Variants in ZHX3 observed in about 807,000 individuals in gnomAD.
The protein encoded by ZHX3 is zinc fingers and homeoboxes protein 3.
A neutral mutation model predicts 64.5 loss-of-function variants in ZHX3; 20 were observed. The ratio of observed to expected loss-of-function variants is 0.31; its 90% CI spans 0.22 to 0.45. ZHX3 has a LOEUF of 0.45. ZHX3 is among the 20% of genes least tolerant of loss of function. ZHX3 has a pLI of 1.00. For missense variants in ZHX3, 1,041 were observed against 1,195.8 expected (o/e 0.87, Z 1.91); for synonymous variants, 423 against 461.6 (o/e 0.92, Z 1.07).
rs373324860 is a variant in ZHX3, at chr20:41,226,954, C to T, written c.-150-21888G>A. On this transcript the variant is annotated intron_variant, in intron 2 of 3. Coordinates refer to ENST00000683867, the MANE Select transcript of ZHX3 (RefSeq NM_001384317.1). This position sits in a 1 kb window ranked among gnomAD's most constrained non-coding sequence, Gnocchi z 4.4. ...GCCCAGGACAGTTTCTAAAATGTTT[C>T]CTTTATGAGTACTGTTTTGAATGCT... 5.1e-4 allele frequency among the ~76,000 whole-genome samples: 77 copies of T among 152,242 alleles called. 1 individual carries two copies. Among genetic ancestry groups the T allele is most frequent in the East Asian group, 4.8e-3 (25 of 5,184 alleles).
intron 3 of ZHX3, among the ~76,000 whole-genome samples, chr20:41,199,889 C>T (rs189315157): frequency 2.7e-4 from 41 of 152,104 alleles, no homozygotes; most frequent in African/African-American, 9.9e-4. Context: ...TTAATAGAGA[C>T]AGGGTTTTAC....
intron 1 of ZHX3, among the ~76,000 whole-genome samples, chr20:41,283,641 C>CA (rs1446285647): frequency 8.5e-5 from 13 of 152,128 alleles, no homozygotes; most frequent in Non-Finnish European, 2.9e-5. Flanking sequence ...GCCTGTATCC[C>CA]AGCTACTCAG....
At chr20:41,280,015 G>A (rs1424390747) in intron 1 of ZHX3, among the ~76,000 whole-genome samples, 1 of 152,150 alleles carries the variant, frequency 6.6e-6, no homozygotes, top group African/African-American at 2.4e-5. Context: ...GTAATAAAGT[G>A]GAGGATCAGC....
chr20:41,276,792 G>C (rs2043404112), intron 1 of ZHX3, among the ~76,000 whole-genome samples: 1 of 152,156 alleles, frequency 6.6e-6, no homozygotes, highest in African/African-American at 2.4e-5. Context: ...AAGCACACTG[G>C]GGTTTATGAC....
intron 1 of ZHX3, chr20:41,317,106 G>GGCATGCACTCTCAC (rs927303680): frequency 1.3e-5 from 2 of 152,676 alleles, no homozygotes; most frequent in African/African-American, 4.8e-5. Flanking sequence ...CGCACACTCG[G>GGCATGCACTCTCAC]GCATGCACTC....
intron 2 of ZHX3, among the ~76,000 whole-genome samples, chr20:41,213,163 A>G (rs540770283): frequency 1.3e-5 from 2 of 152,318 alleles, no homozygotes; most frequent in African/African-American, 4.8e-5. Flanking sequence ...AAATCCATAG[A>G]GGCAGATAGT....
chr20:41,264,781 C>A (rs368731921), intron 2 of ZHX3, among the ~76,000 whole-genome samples: 2 of 151,852 alleles, frequency 1.3e-5, no homozygotes, highest in Non-Finnish European at 2.9e-5. Context: ...AACTTACGCT[C>A]AAAAATTTAA....
chr20:41,241,360 T>C (rs2041369470), intron 2 of ZHX3, among the ~76,000 whole-genome samples: 1 of 152,232 alleles, frequency 6.6e-6, no homozygotes, highest in African/African-American at 2.4e-5. Context: ...GATTATTAGA[T>C]TTTTTTCCTA....
At position 41,308,034 on chromosome 20, in the gene ZHX3, C is replaced by T. The variant is rs137986639; in HGVS notation, c.-245+9475G>A. Among the ~76,000 whole-genome samples the T allele has an allele frequency of 1.0e-3, 156 of 152,188 alleles. 2 individuals carry two copies. Among genetic ancestry groups the T allele is most frequent in the African/African-American group, 3.4e-3 (143 of 41,508 alleles). On this transcript the variant is annotated intron_variant, in intron 1 of 3. Transcript: ENST00000683867. The stretch of plus-strand genomic sequence containing the variant: ...GTGACTTAAACATTATAAAGAGCAC[C>T]GTAATACAGCAGAGCCTGCAAGGGT...
chr20:41,308,035 G>A (rs576785194), intron 1 of ZHX3, among the ~76,000 whole-genome samples: 3 of 152,256 alleles, frequency 2.0e-5, no homozygotes, highest in East Asian at 1.9e-4. Flanking sequence ...AAAGAGCACC[G>A]TAATACAGCA....
Position 41,212,445 on chromosome 20 carries a change from T to C in ZHX3, c.-150-7379A>G, listed in dbSNP as rs2039225524. ...TATTGCTGATGAAAATGTAAAATGGTATAGCCACTTTGGAAAACTGTTTGG... is the reference window on the plus strand; with the variant it reads ...TATTGCTGATGAAAATGTAAAATGGCATAGCCACTTTGGAAAACTGTTTGG... On this transcript the variant is annotated intron_variant, in intron 2 of 3. Coordinates refer to ENST00000683867, the MANE Select transcript of ZHX3 (RefSeq NM_001384317.1). The surrounding 1 kb of genome is among the most constrained non-coding windows in gnomAD (Gnocchi z 4.3). 6.6e-6 allele frequency among the ~76,000 whole-genome samples: 1 copy of C among 152,036 alleles called. No homozygotes were observed. Among genetic ancestry groups the C allele is most frequent in the Non-Finnish European group, 1.5e-5 (1 of 68,006 alleles).
At chr20:41,225,421 C>G (rs1426981276) in intron 2 of ZHX3, among the ~76,000 whole-genome samples, 3 of 152,158 alleles carry the variant, frequency 2.0e-5, no homozygotes, top group African/African-American at 4.8e-5. Context: ...TTTTACCCAG[C>G]CTACCTTTCT....
chr20:41,197,398 T>TCA (rs991129825), intron 3 of ZHX3, among the ~76,000 whole-genome samples: 7 of 147,426 alleles, frequency 4.7e-5, no homozygotes, highest in African/African-American at 1.7e-4. Flanking sequence ...TAAATATATT[T>TCA]TATATATAAT....
chr20:41,263,032 A>T (rs1209981885), intron 2 of ZHX3, among the ~76,000 whole-genome samples: 1 of 152,254 alleles, frequency 6.6e-6, no homozygotes, highest in East Asian at 1.9e-4. Flanking sequence ...GAAAGCAAAG[A>T]ATGTTCTGTA....
At chr20:41,261,273 G>T (rs1019187482) in intron 2 of ZHX3, among the ~76,000 whole-genome samples, 1 of 152,126 alleles carries the variant, frequency 6.6e-6, no homozygotes, top group African/African-American at 2.4e-5. Flanking sequence ...CAGAAGTCTA[G>T]AAATGAGACA....
intron 1 of ZHX3, among the ~76,000 whole-genome samples, chr20:41,276,984 A>G (rs2043412914): frequency 6.6e-6 from 1 of 152,244 alleles, no homozygotes. Context: ...GGTGAGCAAG[A>G]TAAGTTAGAT....
rs994725672 is a variant in ZHX3, at chr20:41,232,432, G to A, written c.-150-27366C>T. Among the ~76,000 whole-genome samples, 10 of 152,230 alleles carry A rather than the reference G, an allele frequency of 6.6e-5. No individual in the cohort carries two copies. Among genetic ancestry groups the A allele is most frequent in the Admixed American group, 6.5e-4 (10 of 15,290 alleles). ...TGGGAAAGCAGCAAGTGGGTAGGGT[G>A]TGTTCAGGTCTTCAACAGTCCTTTG... On this transcript the variant is annotated intron_variant, in intron 2 of 3. Coordinates refer to ENST00000683867, the MANE Select transcript of ZHX3 (RefSeq NM_001384317.1). The surrounding 1 kb of genome is among the most constrained non-coding windows in gnomAD (Gnocchi z 5.0).
At chr20:41,301,211 TCTC>T (rs2044790233) in intron 1 of ZHX3, among the ~76,000 whole-genome samples, 1 of 152,060 alleles carries the variant, frequency 6.6e-6, no homozygotes, top group African/African-American at 2.4e-5. Context: ...CAGACTTTCA[TCTC>T]CTCTTGAATT....
At chr20:41,276,733 G>T (rs1458616407) in intron 1 of ZHX3, among the ~76,000 whole-genome samples, 1 of 152,156 alleles carries the variant, frequency 6.6e-6, no homozygotes, top group Non-Finnish European at 1.5e-5. Context: ...TTAACTGCAG[G>T]GCAAGTGCTT....
Sources: gnomAD v4.1 joint callset for allele counts (sites outside exome capture counted in the v4.1 genomes callset) on GRCh38, gnomAD v4.1.1 for gene constraint, Gnocchi (gnomAD v3.1) non-coding constraint, MANE v1.5 for transcripts, NCBI Gene and HGNC (gene_info 2026-07-23, HGNC 2026-07-21) for gene names.